Variants in DLG2 observed in about 807,000 individuals in gnomAD.
The protein encoded by DLG2 is discs large MAGUK scaffold protein 2, also known as disks large homolog 2.
A neutral mutation model predicts 132.5 loss-of-function variants in DLG2; 45 were observed. The ratio of observed to expected loss-of-function variants is 0.34; its 90% CI spans 0.27 to 0.44. DLG2 has a LOEUF of 0.44. Among genes scored for constraint, DLG2 ranks in the 20% least tolerant of loss-of-function variants. DLG2 has a pLI of 1.00. For synonymous variants in DLG2, 424 were observed against 419.6 expected (o/e 1.01, Z -0.13); for missense variants, 1,045 against 1,196.9 (o/e 0.87, Z 1.87).
At chr11:84,811,568 C>G (rs962209696) in intron 6 of DLG2, among the ~76,000 whole-genome samples, 2 of 151,986 alleles carry the variant, frequency 1.3e-5, no homozygotes, top group African/African-American at 4.8e-5. Flanking sequence ...TAGGCCATTC[C>G]CCTAGTCTCA....
At chr11:84,114,028 C>T (rs189793366) in intron 9 of DLG2, among the ~76,000 whole-genome samples, 132 of 151,740 alleles carry the variant, frequency 8.7e-4, no homozygotes, top group South Asian at 3.3e-3. Flanking sequence ...AAAAAGATTT[C>T]GAAAATGTAA....
At chr11:84,197,930 G>C (rs115431251) in intron 8 of DLG2, among the ~76,000 whole-genome samples, 5 of 151,998 alleles carry the variant, frequency 3.3e-5, no homozygotes, top group Non-Finnish European at 1.5e-5. Flanking sequence ...TGGCTTCAGC[G>C]GCCCCACACC....
chr11:83,548,507 G>A (rs868839599), intron 19 of DLG2, among the ~76,000 whole-genome samples: 18 of 152,070 alleles, frequency 1.2e-4, no homozygotes, highest in African/African-American at 3.9e-4. Flanking sequence ...TAGAAGACAA[G>A]GGCCACCAGT....
At chr11:85,074,315 T>G (rs1312597858) in intron 6 of DLG2, among the ~76,000 whole-genome samples, 1 of 151,888 alleles carries the variant, frequency 6.6e-6, no homozygotes, top group Non-Finnish European at 1.5e-5. Context: ...CAGACACACT[T>G]TCACCACTTC....
At chr11:84,461,827 C>T (rs777367098) in intron 7 of DLG2, among the ~76,000 whole-genome samples, 2 of 150,468 alleles carry the variant, frequency 1.3e-5, no homozygotes, top group Non-Finnish European at 3.0e-5. Flanking sequence ...GCAATTAGTT[C>T]TGGGAGGGCA....
intron 3 of DLG2, among the ~76,000 whole-genome samples, chr11:85,483,178 A>T (rs1356996458): frequency 6.6e-6 from 1 of 152,244 alleles, no homozygotes; most frequent in Non-Finnish European, 1.5e-5. Flanking sequence ...CCTATTAGCA[A>T]GAGAAAATTA....
At chr11:83,502,940 T>C (rs1274686921) in intron 21 of DLG2, among the ~76,000 whole-genome samples, 1 of 152,088 alleles carries the variant, frequency 6.6e-6, no homozygotes, top group Non-Finnish European at 1.5e-5. Flanking sequence ...CTGTAGATAA[T>C]TAGGAAATAA....
chr11:84,391,930 A>G (rs894889465), intron 7 of DLG2, among the ~76,000 whole-genome samples: 3 of 152,138 alleles, frequency 2.0e-5, no homozygotes, highest in Non-Finnish European at 4.4e-5. Flanking sequence ...TTTCCATTCC[A>G]TGGGAATCTG....
At chr11:84,949,914 T>C (rs2050707065) in intron 6 of DLG2, among the ~76,000 whole-genome samples, 1 of 152,186 alleles carries the variant, frequency 6.6e-6, no homozygotes, top group Non-Finnish European at 1.5e-5. Context: ...GTGATAAGTG[T>C]CCATGAAATC....
intron 19 of DLG2, among the ~76,000 whole-genome samples, chr11:83,609,446 G>A (rs1301915941): frequency 2.0e-5 from 3 of 152,202 alleles, no homozygotes; most frequent in Non-Finnish European, 4.4e-5. Context: ...AGCCCTGAGA[G>A]CTGGAAATGA....
At chr11:85,607,988 C>T (rs532929001) in intron 2 of DLG2, among the ~76,000 whole-genome samples, 51 of 152,148 alleles carry the variant, frequency 3.4e-4, no homozygotes, top group Non-Finnish European at 6.3e-4. Flanking sequence ...TTTCTCGGTC[C>T]TCTTTGTGGT....
chr11:85,489,550 A>G (rs2093510208), intron 3 of DLG2, among the ~76,000 whole-genome samples: 1 of 152,204 alleles, frequency 6.6e-6, no homozygotes, highest in Non-Finnish European at 1.5e-5. Flanking sequence ...TGGACTTTAC[A>G]CAAAAGGGAC....
intron 18 of DLG2, among the ~76,000 whole-genome samples, chr11:83,681,482 C>T (rs1403318916): frequency 5.3e-5 from 8 of 152,154 alleles, no homozygotes; most frequent in East Asian, 3.9e-4. Context: ...TGCATTTGTC[C>T]GTCCTGCGGG....
At chr11:84,796,994 C>T (rs1181936865) in intron 6 of DLG2, among the ~76,000 whole-genome samples, 1 of 151,788 alleles carries the variant, frequency 6.6e-6, no homozygotes, top group African/African-American at 2.4e-5. Flanking sequence ...TTACAGGATG[C>T]ATCACCACAC....
chr11:84,293,948 C>A (rs766307400), intron 7 of DLG2, among the ~76,000 whole-genome samples: 3 of 152,188 alleles, frequency 2.0e-5, no homozygotes, highest in East Asian at 1.9e-4. Flanking sequence ...TCCTGTCTAA[C>A]GCCATCTTTC....
intron 8 of DLG2, among the ~76,000 whole-genome samples, chr11:84,179,558 C>T (rs535588785): frequency 4.6e-5 from 7 of 152,250 alleles, no homozygotes; most frequent in East Asian, 1.9e-4. Flanking sequence ...AGGGCCGCCA[C>T]GCTTTTGTGA....
At chr11:84,949,321 C>T (rs1185273172) in intron 6 of DLG2, among the ~76,000 whole-genome samples, 2 of 151,720 alleles carry the variant, frequency 1.3e-5, no homozygotes, top group African/African-American at 4.9e-5. Context: ...GGCGAGATCA[C>T]AGGACCACAG....
chr11:84,053,158 G>T (rs1430220397), intron 11 of DLG2, among the ~76,000 whole-genome samples: 1 of 151,992 alleles, frequency 6.6e-6, no homozygotes, highest in Admixed American at 6.6e-5. Flanking sequence ...GCAAACTAAT[G>T]CAGGAACAGA....
intron 3 of DLG2, among the ~76,000 whole-genome samples, chr11:85,484,413 C>T (rs1466822143): frequency 6.6e-6 from 1 of 150,912 alleles, no homozygotes; most frequent in Non-Finnish European, 1.5e-5. Flanking sequence ...AGTGAACAGG[C>T]AACCTACAAA....
Sources: gnomAD v4.1 joint callset for allele counts (sites outside exome capture counted in the v4.1 genomes callset) on GRCh38, gnomAD v4.1.1 for gene constraint, MANE v1.5 for transcripts, NCBI Gene and HGNC (gene_info 2026-07-23, HGNC 2026-07-21) for gene names.